PARP10: variants seen among roughly 807,000 people sequenced by gnomAD.
PARP10 encodes protein mono-ADP-ribosyltransferase PARP10.
Under a neutral mutation model 82.4 loss-of-function variants are expected in PARP10, and 56 were observed. The observed-to-expected ratio is 0.68, with a 90% CI of 0.55 to 0.85. The LOEUF (loss-of-function observed/expected upper bound fraction) is 0.85, where lower values mean the gene tolerates loss of function less well. Among genes scored for constraint, PARP10 ranks in the 40% least tolerant of loss-of-function variants. PARP10 has a pLI of 0.00. For synonymous variants in PARP10, 576 were observed against 601.1 expected, an observed-to-expected ratio of 0.96 and a Z score of 0.61; for missense variants, 1,227 against 1,379.4, an observed-to-expected ratio of 0.89 and a Z score of 1.75.
chr8:143,992,079 G>T (rs112590665), upstream of PARP10: 1 of 1,613,530 alleles, frequency 6.2e-7, no homozygotes, highest in Non-Finnish European at 8.5e-7. Context: ...TGTTGCACTG[G>T]TAACCCCCAA....
Position 143,984,311 on chromosome 8 carries a change from G to C in PARP10, c.1579C>G (p.Pro527Ala). The change falls in exon 6 of 11, where the codon CCA (proline) becomes GCA (alanine). Residue 527 changes from proline (P) to alanine (A), a missense_variant. Pro to Ala is a conservative substitution (Grantham distance 27). Coordinates refer to ENST00000313028, the MANE Select transcript of PARP10 (RefSeq NM_032789.5). Reference sequence around the variant, plus strand: ...CCCTGGAGAAGGTGCTGCCCTTCTGGGCCCAGGAGAAACCTGGCGCTGCCC... The same window carrying C: ...CCCTGGAGAAGGTGCTGCCCTTCTGCGCCCAGGAGAAACCTGGCGCTGCCC... ...HPGSARFLLG[P>A]EGQHLLQGLE... 1 of 1,613,994 alleles carries C rather than the reference G, an allele frequency of 6.2e-7. No individual in the cohort carries two copies. Among genetic ancestry groups the C allele is most frequent in the Non-Finnish European group, 8.5e-7 (1 of 1,180,000 alleles).
chr8:144,005,086 C>T (rs183326326), intron 1 of PARP10, among the ~76,000 whole-genome samples: 19 of 151,034 alleles, frequency 1.3e-4, no homozygotes, highest in African/African-American at 4.1e-4. Context: ...GGGTGAGGCA[C>T]GAGACTCACT....
At chr8:144,009,127 G>A (rs1403543538) in intron 1 of PARP10, among the ~76,000 whole-genome samples, 1 of 152,148 alleles carries the variant, frequency 6.6e-6, no homozygotes, top group African/African-American at 2.4e-5. Flanking sequence ...CTGCAGCTCT[G>A]CCGGCACTTC....
chr8:143,981,352 GTGA>G (rs201521986), intron 9 of PARP10, among the ~76,000 whole-genome samples: 6,611 of 118,070 alleles, frequency 0.056, 137 homozygotes, highest in South Asian at 0.1. Context: ...GAAGGTGATG[GTGA>G]TGATGGTGGT....
chr8:143,977,578 T>A lies in PARP10; in HGVS notation c.2984A>T (p.Gln995Leu). Residue 995 changes from glutamine to leucine, a missense_variant, in exon 11 of 11, where the codon CAG becomes CTG. By Grantham distance (113) the Gln-to-Leu change is moderately radical. Transcript: ENST00000313028. ...GGTGATGAGGTGGGTGGGCAGCGCC[T>A]GGGTGTCGTGGAAGATGACGAAGAT... ...PSIFVIFHDT[Q>L]ALPTHLITCE... 1 of 1,576,686 alleles carries A rather than the reference T, an allele frequency of 6.3e-7. No homozygotes were observed. The highest frequency in any genetic ancestry group is 1.8e-5 in the Admixed American group (1 of 54,734).
At chr8:143,989,757 G>A (rs1554750144), upstream of PARP10, 3 of 152,230 alleles carry the variant, frequency 2.0e-5, no homozygotes, top group African/African-American at 7.2e-5. The surrounding 1 kb of genome is among the most constrained non-coding windows in gnomAD (Gnocchi z 4.3). Context: ...GTGAACGTCG[G>A]GTTTTAAGGC....
At chr8:143,991,981 C>G, upstream of PARP10, 1 of 1,613,614 alleles carries the variant, frequency 6.2e-7, no homozygotes, top group African/African-American at 1.3e-5. Context: ...AATGTCTGGA[C>G]CTACTATGTC....
At chr8:143,991,151 C>A (rs1288756142), upstream of PARP10, 2 of 1,049,420 alleles carry the variant, frequency 1.9e-6, no homozygotes, top group Non-Finnish European at 2.8e-6. Context: ...TGGGTCCCGA[C>A]GCTGTCGTCA....
At position 144,008,575 on chromosome 8, in the gene PARP10, C is replaced by T. The variant is rs1554752221; in HGVS notation, c.-80+3955G>A. Among the ~76,000 whole-genome samples the T allele has an allele frequency of 2.7e-4, 41 of 152,178 alleles. No individual in the cohort carries two copies. The highest frequency in any genetic ancestry group is 1.2e-4 in the Non-Finnish European group (8 of 68,034). On this transcript the variant is annotated intron_variant, in intron 1 of 3. Transcript: ENST00000530478. This position sits in a 1 kb window ranked among gnomAD's most constrained non-coding sequence, Gnocchi z 4.0. ...CCGGGAGGAGCGCAAACCCCGAGTG[C>T]ACCCCAGGAGGTTCCTGTCACTCCT...
At chr8:143,982,778 C>T (rs782025671) in intron 9 of PARP10, among the ~76,000 whole-genome samples, 154 bp downstream of exon 9, 53 of 152,234 alleles carry the variant, frequency 3.5e-4, no homozygotes, top group African/African-American at 1.0e-3. Context: ...ACTTTGGGAA[C>T]GCCCTCTGGG....
At position 144,003,862 on chromosome 8, in the gene PARP10, C is replaced by CA. The variant is rs1172602681; in HGVS notation, c.-80+8667dup. Among the ~76,000 whole-genome samples the CA allele has an allele frequency of 8.7e-4, 124 of 141,980 alleles. No individual in the cohort carries two copies. In the Middle Eastern group the frequency reaches 0.011, roughly 13 times the overall value. 93.1% of individuals were successfully genotyped at this position (141,980 alleles called of 152,430 possible). A position where few individuals can be genotyped will look rare whatever the true frequency, so the allele number is the denominator to read the frequency against. ...GCAACATAGTAAGGCCCCATCTCTACAAAAAAAAAAAAATTTTTTTTAATT... is the reference window on the plus strand; with the variant it reads ...GCAACATAGTAAGGCCCCATCTCTACAAAAAAAAAAAAAATTTTTTTTAATT... On this transcript the variant is annotated intron_variant, in intron 1 of 3. Coordinates refer to the PARP10 transcript ENST00000530478.
chr8:143,994,112 G>A (rs1554751043), upstream of PARP10, among the ~76,000 whole-genome samples: 29 of 152,200 alleles, frequency 1.9e-4, no homozygotes, highest in Non-Finnish European at 2.9e-5. Flanking sequence ...CTTTGGACTT[G>A]GATATTCCCA....
At position 143,977,925 on chromosome 8, in the gene PARP10, T is replaced by C; in HGVS notation, c.2713A>G (p.Ser905Gly). The C allele has an allele frequency of 6.2e-7, 1 of 1,601,412 alleles. No individual in the cohort carries two copies. The highest frequency in any genetic ancestry group is 8.5e-7 in the Non-Finnish European group (1 of 1,179,406). The change falls in exon 10 of 11, where the codon AGC becomes GGC. Residue 905 changes from serine to glycine, a missense_variant. Physicochemically the swap from Ser to Gly is moderately conservative, Grantham distance 56. Coordinates refer to ENST00000313028, the MANE Select transcript of PARP10 (RefSeq NM_032789.5). The stretch of plus-strand genomic sequence containing the variant: ...GCCTCACCGTTGCGGCCGCAGAAGC[T>C]GCGGTTGAAGCCGTGGGCGCAGATG... ...PDICAHGFNRSFCGRNATVYG... is the reference protein window; with the variant it reads ...PDICAHGFNRGFCGRNATVYG...
upstream of PARP10, chr8:143,991,125 T>G: frequency 1.3e-6 from 1 of 742,626 alleles, no homozygotes; most frequent in Non-Finnish European, 2.2e-6. Flanking sequence ...CAGAAGCAGG[T>G]GGAGTTGCGC....
rs140276052 is a variant in PARP10, at chr8:143,984,402, C to T, written c.1488G>A (p.Ala496=). 8.1e-5 allele frequency: 130 copies of T among 1,611,232 alleles called. No homozygotes were observed. Among genetic ancestry groups the T allele is most frequent in the African/African-American group, 7.9e-4 (59 of 74,888 alleles). Residue 496 remains alanine, a synonymous_variant, in exon 6 of 11, where the codon GCG becomes GCA. Transcript: ENST00000313028. ...GCAGGCTCCGCAGAAACTCCTCAGCCGCCTGGCAGGAAGCCTGGGCTCCAC... is the reference window on the plus strand; with the variant it reads ...GCAGGCTCCGCAGAAACTCCTCAGCTGCCTGGCAGGAAGCCTGGGCTCCAC... ...RLCGAQASCQ[A]AEEFLRSLLG... is the part of the protein sequence containing the mutation.
At chr8:143,981,129 G>C (rs1397679441) in intron 9 of PARP10, among the ~76,000 whole-genome samples, 1 of 152,052 alleles carries the variant, frequency 6.6e-6, no homozygotes, top group East Asian at 1.9e-4. Context: ...AAGTCATCAA[G>C]GTGCTCACCG....
rs781829270 is a variant in PARP10, at chr8:143,986,292, C to T, written c.3-59G>A. On this transcript the variant is annotated intron_variant, in intron 1 of 10. Transcript: ENST00000313028. ...CCCATTCCACCCCTCCTGCCCCTCC[C>T]CAGGCCCCTCCAAGGTGTGTCCTCA... is the stretch of plus-strand genomic sequence containing the variant. 8.1e-6 allele frequency: 13 copies of T among 1,613,648 alleles called. No individual in the cohort carries two copies. The South Asian group carries it at 1.4e-4, about 18-fold the overall frequency.
chr8:143,977,629 G>A lies in PARP10; in HGVS notation c.2933C>T (p.Ala978Val), dbSNP rs1323249653. 5.0e-6 allele frequency: 8 copies of A among 1,591,396 alleles called. No homozygotes were observed. Among genetic ancestry groups the A allele is most frequent in the Admixed American group, 1.7e-5 (1 of 57,226 alleles). The change falls in exon 11 of 11, where the codon GCC becomes GTC. Residue 978 changes from alanine (A) to valine (V), a missense_variant. Coordinates refer to ENST00000313028, the MANE Select transcript of PARP10 (RefSeq NM_032789.5). ...PGHVLLRYDS[A>V]VDCICQPSIF... ...GCTGGGCTGGCAGATGCAGTCCACG[G>A]CGCTGTCGTAGCGCAGGAGCACGTG...
chr8:143,978,098 G>T lies in PARP10; in HGVS notation c.2557-17C>A. ...GCGCTCCACCTGCGGGGAAGGCCCG[G>T]GCCAGGATTAAACACCCTCCCTACG... On this transcript the variant is annotated splice_polypyrimidine_tract_variant and intron_variant, in intron 9 of 10. Coordinates refer to ENST00000313028, the MANE Select transcript of PARP10 (RefSeq NM_032789.5). 1 of 1,490,582 alleles carries T rather than the reference G, an allele frequency of 6.7e-7. No homozygotes were observed. The highest frequency in any genetic ancestry group is 8.9e-7 in the Non-Finnish European group (1 of 1,120,994). 92.3% of individuals were successfully genotyped at this position (1,490,582 alleles called of 1,614,324 possible).
Sources: gnomAD v4.1 joint callset for allele counts (sites outside exome capture counted in the v4.1 genomes callset) on GRCh38, gnomAD v4.1.1 for gene constraint, Gnocchi (gnomAD v3.1) non-coding constraint, MANE v1.5 for transcripts, NCBI Gene and HGNC (gene_info 2026-07-23, HGNC 2026-07-21) for gene names.